Variants in PRDM16 observed in about 807,000 individuals in gnomAD.
PRDM16 encodes the protein PR/SET domain 16, also known as histone-lysine N-methyltransferase PRDM16.
A neutral mutation model predicts 110.6 loss-of-function variants in PRDM16; 23 were observed. The ratio of observed to expected loss-of-function variants is 0.21; its 90% CI spans 0.15 to 0.29. The LOEUF (loss-of-function observed/expected upper bound fraction) is 0.29. PRDM16 is among the 10% of genes least tolerant of loss of function. PRDM16 has a pLI of 1.00. For synonymous variants in PRDM16, 799 were observed against 781.8 expected, an observed-to-expected ratio of 1.02 and a Z score of -0.37; for missense variants, 1,615 against 1,794.3, an observed-to-expected ratio of 0.90 and a Z score of 1.81.
chr1:3,271,066 G>A (rs539552921), intron 3 of PRDM16, among the ~76,000 whole-genome samples: 3 of 152,294 alleles, frequency 2.0e-5, no homozygotes, highest in Admixed American at 6.5e-5. Context: ...GGCTGTGGCC[G>A]GCCTGCCTGC....
Position 3,255,826 on chromosome 1 carries a change from G to GT in PRDM16, c.438+11689_438+11690insT, listed in dbSNP as rs1270164106. Among the ~76,000 whole-genome samples, 59 of 98,110 alleles carry GT rather than the reference G, an allele frequency of 6.0e-4. No homozygotes were observed. The highest frequency in any genetic ancestry group is 1.6e-3 in the African/African-American group (57 of 36,436). The allele number at this position is 98,110 out of a possible 152,430, so 64.4% of individuals were successfully genotyped here. A position where few individuals can be genotyped will look rare whatever the true frequency, so the allele number is the denominator to read the frequency against. On this transcript the variant is annotated intron_variant, in intron 3 of 16. Coordinates refer to ENST00000270722, the MANE Select transcript of PRDM16 (RefSeq NM_022114.4). The surrounding 1 kb of genome is among the most constrained non-coding windows in gnomAD (Gnocchi z 4.7). Reference sequence around the variant, plus strand: ...TCAGAATGAACCCATTGTCACTTGTGCCCAAAGCCAATCCCGTGGCCGCAC... The same window carrying GT: ...TCAGAATGAACCCATTGTCACTTGTGTCCCAAAGCCAATCCCGTGGCCGCAC...
intron 3 of PRDM16, among the ~76,000 whole-genome samples, chr1:3,371,064 C>T (rs1642896983): frequency 6.6e-6 from 1 of 151,696 alleles, no homozygotes; most frequent in Non-Finnish European, 1.5e-5. Context: ...ACCCACCCAT[C>T]CACCATCCAT....
chr1:3,436,165 A>T lies in PRDM16; in HGVS notation c.*2354A>T, dbSNP rs1319506425. 4.4e-6 allele frequency: 1 copy of T among 228,242 alleles called. No individual in the cohort carries two copies. Among genetic ancestry groups the T allele is most frequent in the Non-Finnish European group, 8.6e-6 (1 of 115,648 alleles). The allele number at this position is 228,242 out of a possible 1,614,324, so 14.1% of individuals were successfully genotyped here. A position where few individuals can be genotyped will look rare whatever the true frequency, so the allele number is the denominator to read the frequency against. On this transcript the variant is annotated 3_prime_UTR_variant, in exon 17 of 17. Transcript: ENST00000270722. ...CACCCCATTTCTGTAAACCCAAATT[A>T]TATGGTTTCTTCTGCGAAAGAGTAA...
At chr1:3,159,246 G>A (rs990536314) in intron 1 of PRDM16, among the ~76,000 whole-genome samples, 3 of 152,248 alleles carry the variant, frequency 2.0e-5, no homozygotes, top group African/African-American at 7.2e-5. Flanking sequence ...TGTTACCGGC[G>A]CAGCACCAGG....
intron 3 of PRDM16, among the ~76,000 whole-genome samples, chr1:3,282,451 C>T (rs1325503160): frequency 1.3e-5 from 2 of 152,204 alleles, no homozygotes; most frequent in African/African-American, 4.8e-5. Context: ...GGGCCAGCGC[C>T]GCAGGGCCCC....
chr1:3,226,294 C>T (rs1234363937), intron 2 of PRDM16, among the ~76,000 whole-genome samples: 3 of 152,200 alleles, frequency 2.0e-5, no homozygotes, highest in Admixed American at 6.5e-5. Flanking sequence ...CACACGGGGA[C>T]GTTGACATGT....
intron 3 of PRDM16, among the ~76,000 whole-genome samples, chr1:3,279,326 G>A (rs1291019400): frequency 2.0e-5 from 3 of 152,226 alleles, no homozygotes; most frequent in East Asian, 1.9e-4. Context: ...CAGGGTAGAT[G>A]TTCTCCCCTC....
chr1:3,268,555 G>T (rs952576944), intron 3 of PRDM16, among the ~76,000 whole-genome samples: 1 of 152,116 alleles, frequency 6.6e-6, no homozygotes, highest in Non-Finnish European at 1.5e-5. Context: ...TGGCAACTTG[G>T]GGCAGGTCAC....
intron 2 of PRDM16, among the ~76,000 whole-genome samples, chr1:3,231,750 T>C (rs897201059): frequency 1.3e-5 from 2 of 152,200 alleles, no homozygotes; most frequent in Non-Finnish European, 2.9e-5. Flanking sequence ...TGGTATGGCC[T>C]GGAAATGCAG....
rs1028144169 is a variant in PRDM16, at chr1:3,339,075, T to C, written c.439-46077T>C. Among the ~76,000 whole-genome samples, 3 of 152,076 alleles carry C rather than the reference T, an allele frequency of 2.0e-5. No individual in the cohort carries two copies. Among genetic ancestry groups the C allele is most frequent in the Admixed American group, 6.5e-5 (1 of 15,268 alleles). ...GGGGAGAGTTGCAGCTTCAAGGCGATCGATGGGGAGCTTCCGTGCACTCCC... is the reference window on the plus strand; with the variant it reads ...GGGGAGAGTTGCAGCTTCAAGGCGACCGATGGGGAGCTTCCGTGCACTCCC... On this transcript the variant is annotated intron_variant, in intron 3 of 16. Transcript: ENST00000270722. The surrounding 1 kb of genome is among the most constrained non-coding windows in gnomAD (Gnocchi z 5.0).
chr1:3,183,658 T>C (rs1224401526), intron 1 of PRDM16, among the ~76,000 whole-genome samples: 2 of 152,244 alleles, frequency 1.3e-5, no homozygotes, highest in Non-Finnish European at 2.9e-5. Flanking sequence ...TCTCCTAAGC[T>C]GTTTGCTTGG....
At chr1:3,413,952 G>A (rs1452790541) in intron 9 of PRDM16, among the ~76,000 whole-genome samples, 3 of 152,178 alleles carry the variant, frequency 2.0e-5, no homozygotes, top group Admixed American at 6.5e-5. Flanking sequence ...CCCTGTCTGG[G>A]TGCTGCAGGA....
chr1:3,362,924 G>A (rs1196822375), intron 3 of PRDM16, among the ~76,000 whole-genome samples: 7 of 152,306 alleles, frequency 4.6e-5, no homozygotes, highest in East Asian at 1.9e-4. Context: ...ACACAGGAAC[G>A]AGCCCTCTTT....
At chr1:3,091,042 A>G (rs1642264584) in intron 1 of PRDM16, among the ~76,000 whole-genome samples, 1 of 152,178 alleles carries the variant, frequency 6.6e-6, no homozygotes, top group African/African-American at 2.4e-5. Context: ...CTCAGCCGCA[A>G]ACTCTCCCTA....
chr1:3,225,525 C>A (rs1639265308), intron 2 of PRDM16, among the ~76,000 whole-genome samples: 1 of 135,794 alleles, frequency 7.4e-6, no homozygotes, highest in Non-Finnish European at 1.5e-5. Flanking sequence ...TGATGTGCAG[C>A]TTGCCTGTGT....
rs560352936 is a variant in PRDM16 at position 3,372,784 on chromosome 1, G to A, written c.439-12368G>A. On this transcript the variant is annotated intron_variant, in intron 3 of 16. Coordinates refer to ENST00000270722, the MANE Select transcript of PRDM16 (RefSeq NM_022114.4). ...ATGGCAGCCTGCTCTGGGTGGAGAA[G>A]CTGCTGCTCTGGCACAGCTGCCCCA... 5.3e-5 allele frequency among the ~76,000 whole-genome samples: 8 copies of A among 152,324 alleles called. No individual in the cohort carries two copies. The South Asian group carries it at 1.7e-3, about 32-fold the overall frequency.
At position 3,245,139 on chromosome 1, in the gene PRDM16, T is replaced by A. The variant is rs936523493; in HGVS notation, c.438+1002T>A. Among the ~76,000 whole-genome samples the A allele has an allele frequency of 1.3e-5, 2 of 152,066 alleles. No homozygotes were observed. The highest frequency in any genetic ancestry group is 1.3e-4 in the Admixed American group (2 of 15,266). ...CAGTGCTGAGTCAGTGCCTACCGAGTGCTGTTACAATTCTGTCAGAATTAC... is the reference window on the plus strand; with the variant it reads ...CAGTGCTGAGTCAGTGCCTACCGAGAGCTGTTACAATTCTGTCAGAATTAC... On this transcript the variant is annotated intron_variant, in intron 3 of 16. Transcript: ENST00000270722. The surrounding 1 kb of genome is among the most constrained non-coding windows in gnomAD (Gnocchi z 4.7).
At chr1:3,377,835 C>G (rs1436972529) in intron 3 of PRDM16, among the ~76,000 whole-genome samples, 1 of 152,138 alleles carries the variant, frequency 6.6e-6, no homozygotes, top group Non-Finnish European at 1.5e-5. Context: ...CAAACAGAAG[C>G]GAGCAGTGAG....
At position 3,425,546 on chromosome 1, in the gene PRDM16, G is replaced by C; in HGVS notation, c.2940-35G>C. The C allele has an allele frequency of 6.2e-7, 1 of 1,605,296 alleles. No homozygotes were observed. The highest frequency in any genetic ancestry group is 1.1e-5 in the South Asian group (1 of 90,214). ...TGGCCCGGCCTGCCATGCAGAGCCG[G>C]GGCCTGCACTGAGGAGCGCGTGTGC... On this transcript the variant is annotated intron_variant, in intron 12 of 16. Coordinates refer to ENST00000270722, the MANE Select transcript of PRDM16 (RefSeq NM_022114.4). This position sits in a 1 kb window ranked among gnomAD's most constrained non-coding sequence, Gnocchi z 6.9.
Sources: allele counts gnomAD v4.1 joint callset (sites outside exome capture counted in the v4.1 genomes callset), GRCh38; gene constraint gnomAD v4.1.1; non-coding constraint Gnocchi (gnomAD v3.1); transcripts MANE v1.5; gene names NCBI Gene and HGNC (gene_info 2026-07-23, HGNC 2026-07-21).